BCAS3: variants seen among roughly 807,000 people sequenced by gnomAD.
The protein encoded by BCAS3 is BCAS4/BCAS3 fusion.
A neutral mutation model predicts 116.1 loss-of-function variants in BCAS3; 53 were observed. That is an observed-to-expected ratio of 0.46 (90% CI 0.37 to 0.57). The LOEUF (loss-of-function observed/expected upper bound fraction) is 0.57, where lower values mean the gene tolerates loss of function less well. BCAS3 is among the 20% of genes least tolerant of loss of function. The pLI, the probability that BCAS3 is intolerant of heterozygous loss-of-function variation, is 0.00. For missense variants in BCAS3, 917 were observed against 1,165.4 expected (o/e 0.79, Z 3.10); for synonymous variants, 391 against 408.2 (o/e 0.96, Z 0.51).
intron 8 of BCAS3, 23 bp from the exon 9 acceptor site, chr17:60,874,637 GTT>G: frequency 6.5e-7 from 1 of 1,542,366 alleles, no homozygotes; most frequent in Non-Finnish European, 8.9e-7. Context: ...TTTTCTTTCT[GTT>G]TTTTTTCTCT....
chr17:60,690,033 A>T (rs1044573502), intron 4 of BCAS3, among the ~76,000 whole-genome samples: 14 of 151,942 alleles, frequency 9.2e-5, no homozygotes, highest in Admixed American at 7.9e-4. Flanking sequence ...TGGTTTTCTT[A>T]AAAAAGGAGT....
At position 61,136,599 on chromosome 17, in the gene BCAS3, G is replaced by C. The variant is rs549698478; in HGVS notation, c.2425+52035G>C. 6.6e-6 allele frequency among the ~76,000 whole-genome samples: 1 copy of C among 152,064 alleles called. No homozygotes were observed. Among genetic ancestry groups the C allele is most frequent in the Non-Finnish European group, 1.5e-5 (1 of 68,010 alleles). ...TGAGAGACGGAGGCTGGATGTTGTC[G>C]CCCAGGCTGGAGTGCAGTAGCGCGA... On this transcript the variant is annotated intron_variant, in intron 22 of 23. Transcript: ENST00000407086. The surrounding 1 kb of genome is among the most constrained non-coding windows in gnomAD (Gnocchi z 4.4).
Position 61,250,446 on chromosome 17 carries a change from A to G in BCAS3, c.2426-117881A>G, listed in dbSNP as rs546447232. On this transcript the variant is annotated intron_variant, in intron 22 of 23. Coordinates refer to ENST00000407086, the MANE Select transcript of BCAS3 (RefSeq NM_017679.5). ...CCAGAGAAGGCTTGTTTTTCATTTT[A>G]AAGAGTTGCTTTAGAAACCAAGGTT... Among the ~76,000 whole-genome samples, 3 of 152,314 alleles carry G rather than the reference A, an allele frequency of 2.0e-5. No individual in the cohort carries two copies. The South Asian group carries it at 6.2e-4, about 32-fold the overall frequency.
chr17:61,339,205 C>G lies in BCAS3; in HGVS notation c.2426-29122C>G, dbSNP rs1247999793. Among the ~76,000 whole-genome samples, 1 of 152,200 alleles carries G rather than the reference C, an allele frequency of 6.6e-6. No individual in the cohort carries two copies. On this transcript the variant is annotated intron_variant, in intron 22 of 23. Transcript: ENST00000407086. The surrounding 1 kb of genome is among the most constrained non-coding windows in gnomAD (Gnocchi z 4.4). ...CTCTCGGCTTCAACCCTGATTCTGA[C>G]AGTGGCAGGCGCCACTTGCCCTTGG... is the stretch of plus-strand genomic sequence containing the variant.
In BCAS3 at chr17:61,204,681, G is replaced by A. The variant is rs1474202738; in HGVS notation, c.2425+120117G>A. ...TCTTTAAATCTCATTCCCATTAATT[G>A]CTCAGTCTTTACCTTGGCGGAGAAT... On this transcript the variant is annotated intron_variant, in intron 22 of 23. Transcript: ENST00000407086. This position sits in a 1 kb window ranked among gnomAD's most constrained non-coding sequence, Gnocchi z 4.2. Among the ~76,000 whole-genome samples, 2 of 151,752 alleles carry A rather than the reference G, an allele frequency of 1.3e-5. No individual in the cohort carries two copies. Among genetic ancestry groups the A allele is most frequent in the East Asian group, 3.9e-4 (2 of 5,168 alleles).
rs1053493457 is a variant in BCAS3, at chr17:60,926,791, T to A, written c.1087+2291T>A. Among the ~76,000 whole-genome samples the A allele has an allele frequency of 3.3e-5, 5 of 152,324 alleles. No individual in the cohort carries two copies. In the South Asian group the frequency reaches 1.0e-3, roughly 32 times the overall value. ...GTGACTTTGCATTATAAGAAGAACA[T>A]ATTATATAATATAAAGAGTGTTGTA... On this transcript the variant is annotated intron_variant, in intron 13 of 23. Transcript: ENST00000407086.
chr17:60,982,544 T>A (rs772944021), intron 14 of BCAS3, among the ~76,000 whole-genome samples: 2 of 152,204 alleles, frequency 1.3e-5, no homozygotes, highest in African/African-American at 2.4e-5. Flanking sequence ...TTAACTCATG[T>A]CTTGTATGGA....
Position 60,924,337 on chromosome 17 carries a change from C to CT in BCAS3, c.994-68dup, listed in dbSNP as rs2059257361. On this transcript the variant is annotated intron_variant, in intron 12 of 23. Transcript: ENST00000407086. ...TGGTCAGTGGTTTGTGATGTGCCTT[C>CT]TTATAGGCTTCAAGCTCGGTTATCA... 6.7e-6 allele frequency: 9 copies of CT among 1,339,332 alleles called. No homozygotes were observed. In the South Asian group the frequency reaches 9.5e-5, roughly 14 times the overall value. The allele number at this position is 1,339,332 out of a possible 1,614,324, so 83.0% of individuals were successfully genotyped here. A position where few individuals can be genotyped will look rare whatever the true frequency, so the allele number is the denominator to read the frequency against.
intron 6 of BCAS3, 68 bp from the exon 7 acceptor site, chr17:60,807,936 A>G: frequency 9.0e-7 from 1 of 1,112,668 alleles, no homozygotes; most frequent in Non-Finnish European, 1.3e-6. Context: ...TTTTGAAAGC[A>G]TGAAAATAGT....
At chr17:61,058,118 A>C (rs2143269116) in intron 19 of BCAS3, among the ~76,000 whole-genome samples, 1 of 151,950 alleles carries the variant, frequency 6.6e-6, no homozygotes, top group Non-Finnish European at 1.5e-5. Flanking sequence ...TCTTTGAAAA[A>C]ATTTTTCTCT....
At chr17:60,809,461 G>T (rs748423160) in intron 7 of BCAS3, among the ~76,000 whole-genome samples, 1 of 152,176 alleles carries the variant, frequency 6.6e-6, no homozygotes, top group Non-Finnish European at 1.5e-5. Context: ...GCCTGCAGCT[G>T]CTCCTGTCCC....
intron 22 of BCAS3, among the ~76,000 whole-genome samples, chr17:61,193,973 C>T (rs929284833): frequency 2.0e-5 from 3 of 150,296 alleles, no homozygotes; most frequent in African/African-American, 4.9e-5. Flanking sequence ...AAAAATTTGC[C>T]GGGCCTGGTG....
At chr17:60,987,836 C>T (rs983039923) in intron 14 of BCAS3, among the ~76,000 whole-genome samples, 1 of 151,998 alleles carries the variant, frequency 6.6e-6, no homozygotes, top group African/African-American at 2.4e-5. Flanking sequence ...TGTCTGATTG[C>T]TCTGGCTAGG....
chr17:61,310,921 T>C (rs1021775934), intron 22 of BCAS3, among the ~76,000 whole-genome samples: 1 of 152,168 alleles, frequency 6.6e-6, no homozygotes, highest in Non-Finnish European at 1.5e-5. Context: ...AGATAAGAAT[T>C]TGGAGCTGGA....
At chr17:61,048,936 A>G (rs1368636242) in intron 19 of BCAS3, among the ~76,000 whole-genome samples, 1 of 151,990 alleles carries the variant, frequency 6.6e-6, no homozygotes, top group South Asian at 2.1e-4. Flanking sequence ...AGACTTCTCA[A>G]TTACTTAGAT....
chr17:60,804,049 C>G (rs1202056342), intron 6 of BCAS3, among the ~76,000 whole-genome samples: 1 of 150,568 alleles, frequency 6.6e-6, no homozygotes, highest in Non-Finnish European at 1.5e-5. Context: ...GTGATCTGCC[C>G]GCCACGGCCT....
intron 22 of BCAS3, among the ~76,000 whole-genome samples, chr17:61,240,465 A>G (rs2047414285): frequency 6.6e-6 from 1 of 152,188 alleles, no homozygotes; most frequent in Non-Finnish European, 1.5e-5. Flanking sequence ...AGCCTGGCCA[A>G]CATGGTGAAA....
chr17:61,372,917 A>G (rs947797843), intron 23 of BCAS3, among the ~76,000 whole-genome samples: 2 of 152,262 alleles, frequency 1.3e-5, no homozygotes, highest in African/African-American at 4.8e-5. Flanking sequence ...ACTTAATACC[A>G]GTAAAAAAGC....
At chr17:61,062,672 C>T (rs2070188568) in intron 19 of BCAS3, among the ~76,000 whole-genome samples, 1 of 152,110 alleles carries the variant, frequency 6.6e-6, no homozygotes, top group Non-Finnish European at 1.5e-5. Flanking sequence ...AAAATATAAA[C>T]TTTATTTCTC....
Sources: allele counts gnomAD v4.1 joint callset (sites outside exome capture counted in the v4.1 genomes callset), GRCh38; gene constraint gnomAD v4.1.1; non-coding constraint Gnocchi (gnomAD v3.1); transcripts MANE v1.5; gene names NCBI Gene and HGNC (gene_info 2026-07-23, HGNC 2026-07-21).